The following IKZF1 variants were observed in gnomAD, a reference collection of about 807,000 sequenced individuals.
IKZF1 encodes IKAROS family zinc finger 1, also known as DNA-binding protein Ikaros.
IKZF1 carries 10 observed loss-of-function variants against 51.7 expected under a neutral mutation model. The observed-to-expected ratio is 0.19, with a 90% CI of 0.12 to 0.33. The LOEUF (loss-of-function observed/expected upper bound fraction) is 0.33, where lower values mean the gene tolerates loss of function less well. IKZF1 is among the 10% of genes least tolerant of loss of function. IKZF1 has a pLI of 1.00. For synonymous variants in IKZF1, 280 were observed against 282.3 expected (o/e 0.99, Z 0.08); for missense variants, 484 against 707.5 (o/e 0.68, Z 3.58).
intron 1 of IKZF1, among the ~76,000 whole-genome samples, chr7:50,309,323 T>A (rs1298941645): frequency 6.6e-6 from 1 of 152,238 alleles, no homozygotes; most frequent in Non-Finnish European, 1.5e-5. Flanking sequence ...GTTAGGTTTG[T>A]TGAGAGAGCA....
In IKZF1 at chr7:50,400,751, T is replaced by G. The variant is rs1000735452; in HGVS notation, c.*124T>G. ...CCAGACAATGTTGTGTTTGGATTTG[T>G]AACTGTTTTTTGTTTTTTGTTTGAG... On this transcript the variant is annotated 3_prime_UTR_variant, in exon 8 of 8. Transcript: ENST00000331340. The surrounding 1 kb of genome is among the most constrained non-coding windows in gnomAD (Gnocchi z 5.4). 3 of 1,268,334 alleles carry G rather than the reference T, an allele frequency of 2.4e-6. No homozygotes were observed. The highest frequency in any genetic ancestry group is 3.0e-5 in the African/African-American group (2 of 66,002). The allele number at this position is 1,268,334 out of a possible 1,614,324, so 78.6% of individuals were successfully genotyped here.
At chr7:50,362,719 G>A (rs1208132364) in intron 3 of IKZF1, among the ~76,000 whole-genome samples, 1 of 152,144 alleles carries the variant, frequency 6.6e-6, no homozygotes, top group Non-Finnish European at 1.5e-5. Flanking sequence ...ACACAGGACT[G>A]GAGGATTTTT....
intron 1 of IKZF1, among the ~76,000 whole-genome samples, chr7:50,315,321 G>GA (rs1489925258): frequency 1.3e-5 from 2 of 152,130 alleles, no homozygotes; most frequent in Non-Finnish European, 2.9e-5. Context: ...GAAGGCAGAG[G>GA]AAAGACAGAC....
In IKZF1 at chr7:50,400,706, G is replaced by A; in HGVS notation, c.*79G>A. 1 of 1,488,576 alleles carries A rather than the reference G, an allele frequency of 6.7e-7. No homozygotes were observed. Among genetic ancestry groups the A allele is most frequent in the Non-Finnish European group, 9.1e-7 (1 of 1,104,956 alleles). The allele number at this position is 1,488,576 out of a possible 1,614,324, so 92.2% of individuals were successfully genotyped here. A position where few individuals can be genotyped will look rare whatever the true frequency, so the allele number is the denominator to read the frequency against. On this transcript the variant is annotated 3_prime_UTR_variant, in exon 8 of 8. Coordinates refer to ENST00000331340, the MANE Select transcript of IKZF1 (RefSeq NM_006060.6). The surrounding 1 kb of genome is among the most constrained non-coding windows in gnomAD (Gnocchi z 5.4). Reference sequence around the variant, plus strand: ...GACTGCCGCCTTCTCGCTCCCGCCAGCAGCATAGACTGGACTGGACCAGAC... The same window carrying A: ...GACTGCCGCCTTCTCGCTCCCGCCAACAGCATAGACTGGACTGGACCAGAC...
chr7:50,305,407 CCTT>C (rs1486391423), intron 1 of IKZF1, among the ~76,000 whole-genome samples: 8 of 152,186 alleles, frequency 5.3e-5, no homozygotes, highest in African/African-American at 1.9e-4. Context: ...AGTCACCAAA[CCTT>C]CTCAGGAAAA....
intron 5 of IKZF1, among the ~76,000 whole-genome samples, chr7:50,385,860 A>G (rs1249218743): frequency 6.6e-6 from 1 of 152,242 alleles, no homozygotes; most frequent in African/African-American, 2.4e-5. Context: ...GGGGTACATC[A>G]CTTTATATAG....
intron 5 of IKZF1, among the ~76,000 whole-genome samples, chr7:50,384,484 G>C (rs1021907770): frequency 7.2e-5 from 11 of 152,278 alleles, no homozygotes; most frequent in African/African-American, 2.4e-4. Context: ...AGGGCGGGCA[G>C]ATCAGCAGGG....
chr7:50,400,438 G>C lies in IKZF1; in HGVS notation c.1371G>C (p.Glu457Asp). 1 of 1,613,964 alleles carries C rather than the reference G, an allele frequency of 6.2e-7. No homozygotes were observed. The highest frequency in any genetic ancestry group is 8.5e-7 in the Non-Finnish European group (1 of 1,179,864). The change falls in exon 8 of 8, where the codon GAG becomes GAC. Residue 457 changes from glutamate to aspartate, a missense_variant. By Grantham distance (45) the Glu-to-Asp change is conservative. Coordinates refer to ENST00000331340, the MANE Select transcript of IKZF1 (RefSeq NM_006060.6). This position sits in a 1 kb window ranked among gnomAD's most constrained non-coding sequence, Gnocchi z 5.4. ...TCCGCGTGGTCAGCACCAGCGGGGA[G>C]CAGATGAAGGTGTACAAGTGCGAAC... Reference protein sequence around the residue: ...DALRVVSTSGEQMKVYKCEHC... With the variant: ...DALRVVSTSGDQMKVYKCEHC...
chr7:50,371,485 C>G (rs916178667), intron 3 of IKZF1, among the ~76,000 whole-genome samples: 1 of 152,232 alleles, frequency 6.6e-6, no homozygotes, highest in African/African-American at 2.4e-5. Context: ...GAACTCCTCA[C>G]TCCTTGAATG....
At chr7:50,382,926 C>T (rs1215498058) in intron 5 of IKZF1, among the ~76,000 whole-genome samples, 1 of 152,146 alleles carries the variant, frequency 6.6e-6, no homozygotes, top group Non-Finnish European at 1.5e-5. Context: ...GCGCAGGACC[C>T]CCATGCACAT....
intron 3 of IKZF1, among the ~76,000 whole-genome samples, chr7:50,365,305 G>A (rs780713680): frequency 6.6e-6 from 1 of 152,216 alleles, no homozygotes; most frequent in African/African-American, 2.4e-5. Context: ...AGGAACAAGG[G>A]TGAGCGCTTA....
At chr7:50,334,821 ATG>A (rs1277503591) in intron 3 of IKZF1, among the ~76,000 whole-genome samples, 1 of 141,432 alleles carries the variant, frequency 7.1e-6, no homozygotes, top group Non-Finnish European at 1.5e-5. Context: ...TGTGGTGGAT[ATG>A]TGTGTTTGGG....
chr7:50,311,152 A>G (rs1211575415), intron 1 of IKZF1, among the ~76,000 whole-genome samples: 4 of 152,248 alleles, frequency 2.6e-5, no homozygotes, highest in Non-Finnish European at 5.9e-5. Context: ...TAGGAAACCA[A>G]GTGGCCTACC....
chr7:50,402,134 C>CT lies in IKZF1; in HGVS notation c.*1509dup. The CT allele has an allele frequency of 4.3e-6, 1 of 230,780 alleles. No individual in the cohort carries two copies. Among genetic ancestry groups the CT allele is most frequent in the Non-Finnish European group, 8.6e-6 (1 of 116,410 alleles). The allele number at this position is 230,780 out of a possible 1,614,324, so 14.3% of individuals were successfully genotyped here. On this transcript the variant is annotated 3_prime_UTR_variant, in exon 8 of 8. Transcript: ENST00000331340. ...TCTAATCCCAACAAGCAAGGGTCTC[C>CT]TTCAAGATTAATGCTATCAATCATT...
chr7:50,344,256 A>C (rs1799796461), intron 3 of IKZF1, among the ~76,000 whole-genome samples: 1 of 152,236 alleles, frequency 6.6e-6, no homozygotes, highest in Admixed American at 6.5e-5. Context: ...ATTAATCTGC[A>C]TGACCAGGTC....
At chr7:50,342,725 G>A (rs1799340514) in intron 3 of IKZF1, among the ~76,000 whole-genome samples, 2 of 151,146 alleles carry the variant, frequency 1.3e-5, no homozygotes, top group Non-Finnish European at 1.5e-5. Context: ...GTTCCACCTT[G>A]GCACCCATGT....
rs1379173831 is a variant in IKZF1, at chr7:50,404,134, T to A, written c.*3507T>A. 4.7e-6 allele frequency: 1 copy of A among 215,042 alleles called. No individual in the cohort carries two copies. Among genetic ancestry groups the A allele is most frequent in the African/African-American group, 2.3e-5 (1 of 44,348 alleles). 13.3% of individuals were successfully genotyped at this position (215,042 alleles called of 1,614,324 possible). Reference sequence around the variant, plus strand: ...GAACATGTGTAACCACATATTAATATGCAATATTGTTTCCAATACTTTCTA... The same window carrying A: ...GAACATGTGTAACCACATATTAATAAGCAATATTGTTTCCAATACTTTCTA... On this transcript the variant is annotated 3_prime_UTR_variant, in exon 8 of 8. Transcript: ENST00000331340.
chr7:50,343,909 C>A (rs919882419), intron 3 of IKZF1, among the ~76,000 whole-genome samples: 3 of 152,154 alleles, frequency 2.0e-5, no homozygotes, highest in Non-Finnish European at 2.9e-5. Flanking sequence ...AGAGCCTAGA[C>A]CTTTGAATAA....
In IKZF1 at chr7:50,399,905, C is replaced by T. The variant is rs1366089550; in HGVS notation, c.851-13C>T. 2 of 1,604,364 alleles carry T rather than the reference C, an allele frequency of 1.2e-6. No individual in the cohort carries two copies. The highest frequency in any genetic ancestry group is 1.7e-4 in the Middle Eastern group (1 of 6,010). ...GTGGCCGCGCCCCACTCACTGTCGC[C>T]TGCTTTCCACAGGGGACAAGGGCCT... is the stretch of plus-strand genomic sequence containing the variant. On this transcript the variant is annotated splice_polypyrimidine_tract_variant and intron_variant, in intron 7 of 7. Coordinates refer to ENST00000331340, the MANE Select transcript of IKZF1 (RefSeq NM_006060.6).
Sources: allele counts gnomAD v4.1 joint callset (sites outside exome capture counted in the v4.1 genomes callset), GRCh38; gene constraint gnomAD v4.1.1; non-coding constraint Gnocchi (gnomAD v3.1); transcripts MANE v1.5; gene names NCBI Gene and HGNC (gene_info 2026-07-23, HGNC 2026-07-21).